The following FANCD2OS variants were observed in gnomAD, a reference collection of about 807,000 sequenced individuals.
FANCD2OS encodes FANCD2 opposite strand protein.
FANCD2OS carries 11 observed loss-of-function variants against 13.2 expected under a neutral mutation model. That is an observed-to-expected ratio of 0.83 (90% confidence interval 0.52 to 1.38). The LOEUF (loss-of-function observed/expected upper bound fraction) is 1.38, where lower values mean the gene tolerates loss of function less well. Ranked by LOEUF, FANCD2OS falls within the 40% of genes most tolerant of loss-of-function variation. The pLI is 0.00. For missense variants in FANCD2OS, 217 were observed against 213.9 expected, an observed-to-expected ratio of 1.01 and a Z score of -0.09; for synonymous variants, 69 against 84.5, an observed-to-expected ratio of 0.82 and a Z score of 1.01.
At chr3:10,082,756 C>T (rs144365161) in intron 2 of FANCD2OS, among the ~76,000 whole-genome samples, 1 of 152,254 alleles carries the variant, frequency 6.6e-6, no homozygotes, top group African/African-American at 2.4e-5. Flanking sequence ...CTCTGGTATC[C>T]GTTCGTGATA....
At chr3:10,090,448 T>A (rs1694525177) in intron 2 of FANCD2OS, 3 of 770,132 alleles carry the variant, frequency 3.9e-6, no homozygotes, top group Non-Finnish European at 5.8e-6. Context: ...TGCTGATTTT[T>A]TTTTTTTTTT....
At chr3:10,090,151 C>A in intron 2 of FANCD2OS, 1 of 672,190 alleles carries the variant, frequency 1.5e-6, no homozygotes, top group East Asian at 2.8e-5. Context: ...CCTTTCCGCT[C>A]CCCCATCCTC....
At position 10,094,356 on chromosome 3, in the gene FANCD2OS, A is replaced by T. The variant is rs775057300; in HGVS notation, c.*43+9842T>A. The T allele has an allele frequency of 3.1e-6, 5 of 1,613,408 alleles. No individual in the cohort carries two copies. The Admixed American group carries it at 8.3e-5, about 27-fold the overall frequency. The stretch of plus-strand genomic sequence containing the variant: ...CCGCTCCTAGACTTCAGTTTTAGAA[A>T]ACACCGGGTAAGAGCTAAGAGCAGA... On this transcript the variant is annotated intron_variant, in intron 2 of 2. Coordinates refer to the FANCD2OS transcript ENST00000524279.
At chr3:10,089,045 G>A in intron 2 of FANCD2OS, 2 of 1,380,406 alleles carry the variant, frequency 1.4e-6, no homozygotes, top group East Asian at 2.3e-5. Context: ...CACTTTGGGA[G>A]GCTGAGGCAG....
At chr3:10,101,318 T>C (rs937081648), downstream of FANCD2OS, 1 of 1,319,906 alleles carries the variant, frequency 7.6e-7, no homozygotes, top group African/African-American at 1.4e-5. Context: ...GATCATTTTG[T>C]GTTAGAGTTT....
At chr3:10,085,709 C>A in intron 2 of FANCD2OS, 1 of 825,570 alleles carries the variant, frequency 1.2e-6, no homozygotes, top group Non-Finnish European at 2.1e-6. Flanking sequence ...TTTTTTCAAA[C>A]CGTTAAACTA....
chr3:10,091,855 G>C (rs956473001), intron 2 of FANCD2OS, among the ~76,000 whole-genome samples: 3 of 152,220 alleles, frequency 2.0e-5, no homozygotes, highest in Non-Finnish European at 4.4e-5. Context: ...AGCACTTTGG[G>C]AGGCCGAGGT....
intron 1 of FANCD2OS, among the ~76,000 whole-genome samples, chr3:10,107,434 TG>T (rs1259406804): frequency 6.6e-6 from 1 of 151,878 alleles, no homozygotes; most frequent in African/African-American, 2.4e-5. Context: ...TACAGGCGCC[TG>T]CCACCACGCC....
rs527995189 is a variant in FANCD2OS, at chr3:10,088,350, T to C, written c.*44-6819A>G. ...CGGGAACGTCTTAGTAAATCTAAACTAATAATCCTTTTGATCAATAATCAT... is the reference window on the plus strand; with the variant it reads ...CGGGAACGTCTTAGTAAATCTAAACCAATAATCCTTTTGATCAATAATCAT... On this transcript the variant is annotated intron_variant, in intron 2 of 2. Coordinates refer to the FANCD2OS transcript ENST00000524279. 19 of 836,382 alleles carry C rather than the reference T, an allele frequency of 2.3e-5. No homozygotes were observed. In the South Asian group the frequency reaches 2.5e-4, roughly 11 times the overall value. The allele number at this position is 836,382 out of a possible 1,614,324, so 51.8% of individuals were successfully genotyped here.
chr3:10,081,338 AT>A, exon 3 of FANCD2OS: 1 of 1,613,146 alleles, frequency 6.2e-7, no homozygotes, highest in Non-Finnish European at 8.5e-7. Context: ...AATCATTTTT[AT>A]TTTTAGTGTT....
chr3:10,092,487 T>C (rs1694693307), intron 2 of FANCD2OS, among the ~76,000 whole-genome samples: 1 of 151,552 alleles, frequency 6.6e-6, no homozygotes, highest in Non-Finnish European at 1.5e-5. Context: ...TACTATTTAA[T>C]GACTCCTTCC....
intron 2 of FANCD2OS, among the ~76,000 whole-genome samples, chr3:10,091,025 G>A (rs1694574558): frequency 6.6e-6 from 1 of 151,926 alleles, no homozygotes; most frequent in Non-Finnish European, 1.5e-5. Flanking sequence ...AGCTAGACAA[G>A]TAAGAGAAAG....
At position 10,096,614 on chromosome 3, in the gene FANCD2OS, A is replaced by C. The variant is rs35108101; in HGVS notation, c.*43+7584T>G. 1.1e-3 allele frequency: 911 copies of C among 807,550 alleles called. 5 individuals carry two copies. In the African/African-American group the frequency reaches 0.013, roughly 12 times the overall value. The allele number at this position is 807,550 out of a possible 1,614,324, so 50.0% of individuals were successfully genotyped here. ...TAAGTCTGTGACTGTTTAACTCTTA[A>C]AGTTATGGTACATTACTCATGGGCC... On this transcript the variant is annotated intron_variant, in intron 2 of 2. Coordinates refer to the FANCD2OS transcript ENST00000524279.
At chr3:10,086,191 C>G (rs1559402941) in intron 2 of FANCD2OS, among the ~76,000 whole-genome samples, 1 of 152,208 alleles carries the variant, frequency 6.6e-6, no homozygotes, top group Non-Finnish European at 1.5e-5. Context: ...CATTGACCAT[C>G]TGTAATCAAC....
At chr3:10,090,366 C>T (rs747942447) in intron 2 of FANCD2OS, 1 of 1,607,248 alleles carries the variant, frequency 6.2e-7, no homozygotes, top group South Asian at 1.1e-5. Context: ...GAGCCTGGCA[C>T]AGCAGCAGAC....
At chr3:10,107,298 T>TC (rs967689954) in intron 1 of FANCD2OS, among the ~76,000 whole-genome samples, 110 of 141,652 alleles carry the variant, frequency 7.8e-4, no homozygotes, top group African/African-American at 2.5e-3. Flanking sequence ...TTTCTTTCTT[T>TC]TTTTTTTGAG....
chr3:10,103,504 G>GT (rs1228386756), downstream of FANCD2OS, among the ~76,000 whole-genome samples: 2 of 152,226 alleles, frequency 1.3e-5, no homozygotes. Flanking sequence ...GAGCCTGGGA[G>GT]TTTGAGGCTG....
intron 2 of FANCD2OS, among the ~76,000 whole-genome samples, chr3:10,081,869 T>G (rs1486882831): frequency 2.0e-5 from 3 of 152,068 alleles, no homozygotes; most frequent in East Asian, 1.9e-4. Flanking sequence ...TTTAGAGAGA[T>G]AACGGAAGGA....
At chr3:10,102,618 G>A (rs1695348184), downstream of FANCD2OS, among the ~76,000 whole-genome samples, 1 of 151,074 alleles carries the variant, frequency 6.6e-6, no homozygotes, top group Non-Finnish European at 1.5e-5. Context: ...AGATCCAGGA[G>A]ATCCAGGAGA....
Sources: gnomAD v4.1 joint callset for allele counts (sites outside exome capture counted in the v4.1 genomes callset) on GRCh38, gnomAD v4.1.1 for gene constraint, MANE v1.5 for transcripts, NCBI Gene and HGNC (gene_info 2026-07-23, HGNC 2026-07-21) for gene names.